Variants in INSYN2A observed in about 807,000 individuals in gnomAD.
INSYN2A encodes inhibitory synaptic factor 2A.
Under a neutral mutation model 39.4 loss-of-function variants are expected in INSYN2A, and 17 were observed. The ratio of observed to expected loss-of-function variants is 0.43; its 90% CI spans 0.30 to 0.65. The LOEUF is 0.65. Among genes scored for constraint, INSYN2A ranks in the 30% least tolerant of loss-of-function variants. INSYN2A has a pLI of 0.14. For synonymous variants in INSYN2A, 255 were observed against 265.7 expected (o/e 0.96, Z 0.39); for missense variants, 595 against 631.2 (o/e 0.94, Z 0.61).
intron 1 of INSYN2A, among the ~76,000 whole-genome samples, chr10:127,194,739 A>C (rs2056982798): frequency 1.3e-5 from 2 of 152,166 alleles, no homozygotes; most frequent in South Asian, 2.1e-4. Flanking sequence ...GTTCAAGTGC[A>C]CAGACGTCTA....
Position 127,138,023 on chromosome 10 carries a change from A to G in INSYN2A, c.1257-3T>C, listed in dbSNP as rs373481403. The G allele has an allele frequency of 5.1e-5, 81 of 1,601,382 alleles. No individual in the cohort carries two copies. In the Middle Eastern group the frequency reaches 8.4e-4, roughly 17 times the overall value. ...GCTGCTTAAAATCCAGCTCCACACTAGAAAAGAGAGAGAGTGAAGACTTTA... is the reference window on the plus strand; with the variant it reads ...GCTGCTTAAAATCCAGCTCCACACTGGAAAAGAGAGAGAGTGAAGACTTTA... On this transcript the variant is annotated splice_polypyrimidine_tract_variant and splice_region_variant and intron_variant, in intron 5 of 5. Transcript: ENST00000522781.
intron 4 of INSYN2A, among the ~76,000 whole-genome samples, chr10:127,166,732 C>T (rs1011610721): frequency 2.6e-5 from 4 of 152,204 alleles, no homozygotes; most frequent in African/African-American, 9.6e-5. Context: ...GCAGGAATTG[C>T]ATGGAGTTTT....
At chr10:127,179,714 A>G (rs962918261) in intron 2 of INSYN2A, among the ~76,000 whole-genome samples, 1 of 152,218 alleles carries the variant, frequency 6.6e-6, no homozygotes, top group African/African-American at 2.4e-5. Flanking sequence ...GGCATTCTAC[A>G]GAGGACTTTC....
chr10:127,143,805 C>T (rs2051511964), intron 5 of INSYN2A, among the ~76,000 whole-genome samples: 2 of 152,158 alleles, frequency 1.3e-5, no homozygotes, highest in African/African-American at 4.8e-5. Context: ...CTGGCCACCT[C>T]GCCAGGCAAT....
At chr10:127,192,992 ATGTT>A (rs1232482830) in intron 1 of INSYN2A, among the ~76,000 whole-genome samples, 2 of 152,178 alleles carry the variant, frequency 1.3e-5, no homozygotes, top group Non-Finnish European at 2.9e-5. Context: ...ACTTCTCTCA[ATGTT>A]TGTATGAGAA....
chr10:127,135,959 A>C lies in INSYN2A; in HGVS notation c.*1878T>G, dbSNP rs2050655010. On this transcript the variant is annotated 3_prime_UTR_variant, in exon 6 of 6. Coordinates refer to ENST00000522781, the MANE Select transcript of INSYN2A (RefSeq NM_001039762.3). ...ATAAAAAACATGAAACCCATTTTTA[A>C]ATATTTAGTCTACGTGAAACAGTTA... 6.5e-6 allele frequency: 1 copy of C among 152,672 alleles called. No individual in the cohort carries two copies. The highest frequency in any genetic ancestry group is 2.4e-5 in the African/African-American group (1 of 41,464). The allele number at this position is 152,672 out of a possible 1,614,324, so 9.5% of individuals were successfully genotyped here.
At chr10:127,152,102 G>A (rs1316266187) in intron 5 of INSYN2A, among the ~76,000 whole-genome samples, 1 of 152,058 alleles carries the variant, frequency 6.6e-6, no homozygotes, top group African/African-American at 2.4e-5. Context: ...TGGATGTCTT[G>A]ACTCACTGTT....
intron 4 of INSYN2A, among the ~76,000 whole-genome samples, chr10:127,163,678 A>G (rs530832718): frequency 6.6e-6 from 1 of 152,040 alleles, no homozygotes; most frequent in African/African-American, 2.4e-5. Flanking sequence ...CCCATTTTAA[A>G]TTTCCTCAAA....
At chr10:127,188,101 A>G (rs1474543643) in intron 2 of INSYN2A, among the ~76,000 whole-genome samples, 3 of 152,052 alleles carry the variant, frequency 2.0e-5, no homozygotes, top group Non-Finnish European at 4.4e-5. Context: ...AGCCCCTTCC[A>G]TTTTTTTCTA....
chr10:127,163,347 G>A (rs762002365), intron 4 of INSYN2A, among the ~76,000 whole-genome samples: 3 of 151,820 alleles, frequency 2.0e-5, no homozygotes, highest in Non-Finnish European at 2.9e-5. Context: ...CACATTTATC[G>A]CCATGGAGTA....
Position 127,135,461 on chromosome 10 carries a change from A to G in INSYN2A, c.*2376T>C, listed in dbSNP as rs1165360666. On this transcript the variant is annotated 3_prime_UTR_variant, in exon 6 of 6. Transcript: ENST00000522781. ...TGATTTTTTTATTTAAAAATTAATA[A>G]AGAACTTAACGACAAGTATAATAAT... 6.5e-6 allele frequency: 1 copy of G among 152,678 alleles called. No individual in the cohort carries two copies. Among genetic ancestry groups the G allele is most frequent in the East Asian group, 1.9e-4 (1 of 5,202 alleles). The allele number at this position is 152,678 out of a possible 1,614,324, so 9.5% of individuals were successfully genotyped here.
intron 1 of INSYN2A, among the ~76,000 whole-genome samples, chr10:127,193,513 T>C (rs1412398328): frequency 6.6e-6 from 1 of 152,230 alleles, no homozygotes; most frequent in Non-Finnish European, 1.5e-5. Flanking sequence ...ATAAGTCACC[T>C]GCTTCTCATA....
At chr10:127,148,967 G>A (rs911582064) in intron 5 of INSYN2A, among the ~76,000 whole-genome samples, 23 of 152,264 alleles carry the variant, frequency 1.5e-4, no homozygotes, top group African/African-American at 4.1e-4. Context: ...GAAAGATCAC[G>A]TTTGGTACTT....
intron 2 of INSYN2A, among the ~76,000 whole-genome samples, chr10:127,179,883 A>G (rs1849403138): frequency 6.6e-6 from 1 of 152,282 alleles, no homozygotes; most frequent in Middle Eastern, 3.4e-3. Flanking sequence ...CCATTCCCCT[A>G]TGCATAGCAG....
chr10:127,161,183 G>T (rs2053562961), intron 4 of INSYN2A, among the ~76,000 whole-genome samples: 1 of 152,178 alleles, frequency 6.6e-6, no homozygotes, highest in African/African-American at 2.4e-5. Flanking sequence ...AGCTAAAGTG[G>T]ATTTAGACTT....
At position 127,136,472 on chromosome 10, in the gene INSYN2A, G is replaced by C. The variant is rs1476528084; in HGVS notation, c.*1365C>G. Reference sequence around the variant, plus strand: ...TGCTCACAAACTATTCAAAATTTAAGTTGTACAAAAAAAAAAAAAAAGGCA... The same window carrying C: ...TGCTCACAAACTATTCAAAATTTAACTTGTACAAAAAAAAAAAAAAAGGCA... On this transcript the variant is annotated 3_prime_UTR_variant, in exon 6 of 6. Coordinates refer to ENST00000522781, the MANE Select transcript of INSYN2A (RefSeq NM_001039762.3). The C allele has an allele frequency of 2.1e-4, 26 of 123,464 alleles. No individual in the cohort carries two copies. Among genetic ancestry groups the C allele is most frequent in the Admixed American group, 2.0e-3 (24 of 11,832 alleles). 7.6% of individuals were successfully genotyped at this position (123,464 alleles called of 1,614,324 possible).
chr10:127,195,343 C>T (rs535376739), intron 1 of INSYN2A, among the ~76,000 whole-genome samples: 4 of 152,306 alleles, frequency 2.6e-5, no homozygotes, highest in African/African-American at 9.6e-5. Context: ...ACGCCTGTCC[C>T]GGTCTGACTC....
At chr10:127,182,272 T>G (rs2055808534) in intron 2 of INSYN2A, among the ~76,000 whole-genome samples, 1 of 152,176 alleles carries the variant, frequency 6.6e-6, no homozygotes, top group African/African-American at 2.4e-5. Context: ...CCCCCACTCA[T>G]GCATATCTGC....
At chr10:127,189,913 A>G (rs910974198) in intron 2 of INSYN2A, among the ~76,000 whole-genome samples, 1 of 152,202 alleles carries the variant, frequency 6.6e-6, no homozygotes, top group African/African-American at 2.4e-5. Context: ...ATGGAGTTGA[A>G]GTCACGACGT....
Sources: gnomAD v4.1 joint callset for allele counts (sites outside exome capture counted in the v4.1 genomes callset) on GRCh38, gnomAD v4.1.1 for gene constraint, MANE v1.5 for transcripts, NCBI Gene and HGNC (gene_info 2026-07-23, HGNC 2026-07-21) for gene names.